COMMD7: variants seen among roughly 807,000 people sequenced by gnomAD.
COMMD7 encodes the protein COMM domain containing 7.
A neutral mutation model predicts 34.8 loss-of-function variants in COMMD7; 28 were observed. The observed-to-expected ratio is 0.80, with a 90% CI of 0.60 to 1.10. The LOEUF is 1.10. Among genes scored for constraint, COMMD7 ranks in the 50% least tolerant of loss-of-function variants. COMMD7 has a pLI of 0.00. For missense variants in COMMD7, 211 were observed against 241.6 expected, an observed-to-expected ratio of 0.87 and a Z score of 0.84; for synonymous variants, 80 against 86.4, an observed-to-expected ratio of 0.93 and a Z score of 0.41.
intron 3 of COMMD7, among the ~76,000 whole-genome samples, chr20:32,719,677 C>A (rs1437835067): frequency 6.6e-6 from 1 of 151,922 alleles, no homozygotes; most frequent in African/African-American, 2.4e-5. Context: ...AATAATAAAA[C>A]TTAGGAGGCT....
At chr20:32,742,746 T>G (rs1986511699) in intron 1 of COMMD7, among the ~76,000 whole-genome samples, 1 of 152,078 alleles carries the variant, frequency 6.6e-6, no homozygotes, top group African/African-American at 2.4e-5. Flanking sequence ...AGAGCCCCAG[T>G]GGGGCCTGGC....
At chr20:32,739,537 C>A (rs1163492147) in intron 1 of COMMD7, among the ~76,000 whole-genome samples, 2 of 142,868 alleles carry the variant, frequency 1.4e-5, no homozygotes, top group Non-Finnish European at 3.0e-5. Flanking sequence ...CCCAGCTACT[C>A]GGAAGGCTGA....
At chr20:32,728,278 G>GT (rs765333248) in intron 1 of COMMD7, 136 bp from the exon 2 acceptor site, 2 of 751,796 alleles carry the variant, frequency 2.7e-6, no homozygotes, top group Non-Finnish European at 4.5e-6. Flanking sequence ...TCATCCTATA[G>GT]TTACAAATGT....
At chr20:32,718,917 C>G (rs1306477761) in intron 3 of COMMD7, among the ~76,000 whole-genome samples, 1 of 152,058 alleles carries the variant, frequency 6.6e-6, no homozygotes, top group Non-Finnish European at 1.5e-5. Context: ...GGTTCCAAGG[C>G]TGGGGTTGCG....
intron 3 of COMMD7, among the ~76,000 whole-genome samples, chr20:32,725,474 G>A (rs1985453734): frequency 7.2e-6 from 1 of 138,826 alleles, no homozygotes; most frequent in Admixed American, 7.8e-5. Context: ...CGTCGCCCAG[G>A]CTGGAGTGCA....
chr20:32,708,397 T>C (rs1460126779), intron 3 of COMMD7, among the ~76,000 whole-genome samples: 1 of 152,052 alleles, frequency 6.6e-6, no homozygotes, highest in African/African-American at 2.4e-5. Flanking sequence ...CTAAAGGCTG[T>C]TGTACCGGTA....
intron 1 of COMMD7, among the ~76,000 whole-genome samples, chr20:32,735,735 GCT>G (rs547575464): frequency 5.9e-5 from 9 of 152,120 alleles, no homozygotes; most frequent in Non-Finnish European, 1.3e-4. Flanking sequence ...GCTCACTGCA[GCT>G]TCCAACTCCT....
At chr20:32,730,159 G>A (rs1600998749) in intron 1 of COMMD7, among the ~76,000 whole-genome samples, 1 of 119,922 alleles carries the variant, frequency 8.3e-6, no homozygotes, top group East Asian at 2.0e-4. Flanking sequence ...GTCCCTCCCT[G>A]GCCTGAGCTG....
rs1311402828 is a variant in COMMD7, at chr20:32,704,845, G to C, written c.396C>G (p.Asn132Lys). ...ATTTCCACTCCATATCTATGAGCTGGTTAATCATCAGAGTCTGACCTATGG... is the reference window on the plus strand; with the variant it reads ...ATTTCCACTCCATATCTATGAGCTGCTTAATCATCAGAGTCTGACCTATGG... ...RWAIGQTLMINQLIDMEWKFG... is the reference protein window; with the variant it reads ...RWAIGQTLMIKQLIDMEWKFG... Residue 132 changes from asparagine to lysine, a missense_variant, in exon 6 of 9, where the codon AAC (asparagine) becomes AAG (lysine). Coordinates refer to ENST00000278980, the MANE Select transcript of COMMD7 (RefSeq NM_053041.3). 1 of 1,613,956 alleles carries C rather than the reference G, an allele frequency of 6.2e-7. No individual in the cohort carries two copies. Among genetic ancestry groups the C allele is most frequent in the Admixed American group, 1.7e-5 (1 of 60,010 alleles).
chr20:32,735,262 TCATA>T (rs1338069647), intron 1 of COMMD7, among the ~76,000 whole-genome samples: 3 of 151,794 alleles, frequency 2.0e-5, no homozygotes, highest in East Asian at 1.9e-4. Flanking sequence ...TAAAGGATAC[TCATA>T]TATATGCTGG....
At position 32,743,411 on chromosome 20, in the gene COMMD7, C is replaced by G; in HGVS notation, c.-20G>C. Reference sequence around the variant, plus strand: ...GCCCATGGCGCGCGCCCCAGCCCCGCAGGTTCCACCGCCGCCGCCGCCCTG... The same window carrying G: ...GCCCATGGCGCGCGCCCCAGCCCCGGAGGTTCCACCGCCGCCGCCGCCCTG... On this transcript the variant is annotated 5_prime_UTR_variant, in exon 1 of 9. Coordinates refer to ENST00000278980, the MANE Select transcript of COMMD7 (RefSeq NM_053041.3). 2 of 1,334,096 alleles carry G rather than the reference C, an allele frequency of 1.5e-6. No individual in the cohort carries two copies. The highest frequency in any genetic ancestry group is 1.9e-6 in the Non-Finnish European group (2 of 1,048,570). The allele number at this position is 1,334,096 out of a possible 1,614,324, so 82.6% of individuals were successfully genotyped here.
intron 5 of COMMD7, among the ~76,000 whole-genome samples, chr20:32,705,305 T>TATATATGTGTATATATATACATAC (rs1983998597): frequency 6.7e-6 from 1 of 149,458 alleles, no homozygotes; most frequent in Non-Finnish European, 1.5e-5. Flanking sequence ...AAAGGAGGCA[T>TATATATGTGTATATATATACATAC]ATATATGTGT....
intron 3 of COMMD7, among the ~76,000 whole-genome samples, chr20:32,725,649 C>A (rs544939451): frequency 3.3e-5 from 5 of 151,972 alleles, no homozygotes; most frequent in Admixed American, 3.3e-4. Flanking sequence ...AGGATGGTCT[C>A]GATCTCCTGA....
intron 3 of COMMD7, among the ~76,000 whole-genome samples, chr20:32,707,799 AG>A (rs940234887): frequency 6.6e-6 from 1 of 150,662 alleles, no homozygotes; most frequent in African/African-American, 2.4e-5. Context: ...GGTTGGGCAC[AG>A]GGGGCAACCA....
chr20:32,730,190 T>C (rs1300532450), intron 1 of COMMD7, among the ~76,000 whole-genome samples: 1 of 141,640 alleles, frequency 7.1e-6, no homozygotes, highest in African/African-American at 2.5e-5. Context: ...AGATCATTAC[T>C]TTCTCATGTC....
intron 1 of COMMD7, among the ~76,000 whole-genome samples, chr20:32,734,548 A>T (rs572268506): frequency 2.0e-5 from 3 of 152,242 alleles, no homozygotes; most frequent in Non-Finnish European, 4.4e-5. Flanking sequence ...TATATATATA[A>T]AAATTCAAAG....
At chr20:32,712,967 C>T (rs1205902221) in intron 3 of COMMD7, among the ~76,000 whole-genome samples, 1 of 151,622 alleles carries the variant, frequency 6.6e-6, no homozygotes, top group East Asian at 1.9e-4. Context: ...CTCCTGACCT[C>T]GTGATCCGCC....
chr20:32,705,228 CTCAA>C (rs776943737), intron 5 of COMMD7, among the ~76,000 whole-genome samples: 7 of 151,788 alleles, frequency 4.6e-5, no homozygotes, highest in African/African-American at 7.3e-5. Context: ...AGGGTAAGTT[CTCAA>C]TCAGTCACTT....
intron 3 of COMMD7, among the ~76,000 whole-genome samples, chr20:32,724,046 G>T (rs1402433736): frequency 3.7e-4 from 6 of 16,182 alleles, no homozygotes; most frequent in African/African-American, 1.3e-3. Flanking sequence ...GGGAGGTGAG[G>T]GGGGGTCAGC....
Sources: gnomAD v4.1 joint callset for allele counts (sites outside exome capture counted in the v4.1 genomes callset) on GRCh38, gnomAD v4.1.1 for gene constraint, MANE v1.5 for transcripts, NCBI Gene and HGNC (gene_info 2026-07-23, HGNC 2026-07-21) for gene names.